BTNL9: variants seen among roughly 807,000 people sequenced by gnomAD.
BTNL9 encodes the protein butyrophilin like 9, also known as butyrophilin-like protein 9.
In BTNL9, 45 loss-of-function variants were observed where a neutral mutation model predicts 45.8. The ratio of observed to expected loss-of-function variants is 0.98; its 90% CI spans 0.77 to 1.26. The LOEUF is 1.26. BTNL9 is among the 50% of genes most tolerant of loss of function. The pLI is 0.00. For missense variants in BTNL9, 784 were observed against 729.7 expected (o/e 1.07, Z -0.86); for synonymous variants, 346 against 330.8 (o/e 1.05, Z -0.50).
In BTNL9 at chr5:181,047,478, G is replaced by A. The variant is rs575243007; in HGVS notation, c.110-449G>A. On this transcript the variant is annotated intron_variant, in intron 2 of 10. Transcript: ENST00000327705. Reference sequence around the variant, plus strand: ...AGAAAATATCTATTCTCATCATGCAGAAATTATCACCATCAGCAATTTGAT... The same window carrying A: ...AGAAAATATCTATTCTCATCATGCAAAAATTATCACCATCAGCAATTTGAT... The A allele has an allele frequency of 9.3e-5, 92 of 990,916 alleles. No individual in the cohort carries two copies. In the Middle Eastern group the frequency reaches 1.6e-3, roughly 17 times the overall value. The allele number at this position is 990,916 out of a possible 1,614,324, so 61.4% of individuals were successfully genotyped here. A position where few individuals can be genotyped will look rare whatever the true frequency, so the allele number is the denominator to read the frequency against.
Position 181,045,614 on chromosome 5 carries a change from C to T in BTNL9, c.109+16C>T. The T allele has an allele frequency of 3.1e-6, 5 of 1,594,026 alleles. No homozygotes were observed. In the South Asian group the frequency reaches 3.3e-5, roughly 11 times the overall value. On this transcript the variant is annotated intron_variant, in intron 2 of 10. Coordinates refer to ENST00000327705, the MANE Select transcript of BTNL9 (RefSeq NM_152547.5). ...CCGAGCTCAGGTATTGTGTCTGCAGCCTAGCTGGCCAGGATGTGAACGCCA... is the reference window on the plus strand; with the variant it reads ...CCGAGCTCAGGTATTGTGTCTGCAGTCTAGCTGGCCAGGATGTGAACGCCA...
chr5:181,046,695 G>A (rs746189400), intron 2 of BTNL9, among the ~76,000 whole-genome samples: 22 of 148,206 alleles, frequency 1.5e-4, no homozygotes, highest in Non-Finnish European at 2.9e-4. Context: ...GAGAGAGAGA[G>A]AGCGAGAGAG....
At chr5:181,045,139 C>T (rs570287732) in intron 1 of BTNL9, among the ~76,000 whole-genome samples, 5 of 152,288 alleles carry the variant, frequency 3.3e-5, no homozygotes, top group Admixed American at 6.5e-5. Flanking sequence ...AAAGGGGGGG[C>T]GCTGAGCCCC....
rs77420075 is a variant in BTNL9, at chr5:181,056,441, C to T, written c.955+426C>T. ...GTTCATGTAAGTGACATTTATGGTT[C>T]TGTGATGTTCCTTGCTTTTCCCGTA... On this transcript the variant is annotated intron_variant, in intron 9 of 10. Transcript: ENST00000327705. The T allele has an allele frequency of 7.4e-3, 4,951 of 670,172 alleles. 192 individuals carry two copies. Among genetic ancestry groups the T allele is most frequent in the Admixed American group, 0.063 (2,831 of 45,282 alleles). The allele number at this position is 670,172 out of a possible 1,614,324, so 41.5% of individuals were successfully genotyped here.
chr5:181,054,809 G>C (rs1323515767), intron 7 of BTNL9: 1 of 985,256 alleles, frequency 1.0e-6, no homozygotes. Flanking sequence ...AGTCTACCTC[G>C]CCCTTCAAGG....
chr5:181,051,034 C>A lies in BTNL9; in HGVS notation c.736+665C>A, dbSNP rs142050038. Among the ~76,000 whole-genome samples, 608 of 148,002 alleles carry A rather than the reference C, an allele frequency of 4.1e-3. 1 individual carries two copies. The highest frequency in any genetic ancestry group is 0.015 in the African/African-American group (583 of 39,944). On this transcript the variant is annotated intron_variant, in intron 4 of 10. Coordinates refer to ENST00000327705, the MANE Select transcript of BTNL9 (RefSeq NM_152547.5). ...CCGGGGGGCAGAGGTTGCAGTGAGC[C>A]GAGATCTGCACTCCAGCCTGGGCAA...
Position 181,055,535 on chromosome 5 carries a change from C to T in BTNL9, c.928+82C>T, listed in dbSNP as rs145460487. 66 of 1,516,076 alleles carry T rather than the reference C, an allele frequency of 4.4e-5. No homozygotes were observed. Among genetic ancestry groups the T allele is most frequent in the Admixed American group, 2.5e-4 (15 of 59,836 alleles). The allele number at this position is 1,516,076 out of a possible 1,614,324, so 93.9% of individuals were successfully genotyped here. On this transcript the variant is annotated intron_variant, in intron 8 of 10. Coordinates refer to ENST00000327705, the MANE Select transcript of BTNL9 (RefSeq NM_152547.5). This position sits in a 1 kb window ranked among gnomAD's most constrained non-coding sequence, Gnocchi z 4.4. Reference sequence around the variant, plus strand: ...CTGTAATCCCAGTACTTTGGGAGGCCGAGGCGGGTGGATCACGAGGTCAGG... The same window carrying T: ...CTGTAATCCCAGTACTTTGGGAGGCTGAGGCGGGTGGATCACGAGGTCAGG...
Position 181,059,772 on chromosome 5 carries a change from G to A in BTNL9, c.1518G>A (p.Pro506=), listed in dbSNP as rs376115758. ...HPDPLTICPL[P]VRGTGVPEEN... ...ATCCCCTGACCATCTGCCCGCTGCC[G>A]GTTAGAGGGACGGGCGTCCCCGAAG... The change falls in exon 11 of 11, where the codon CCG becomes CCA. Residue 506 remains proline (P), a synonymous_variant. Coordinates refer to ENST00000327705, the MANE Select transcript of BTNL9 (RefSeq NM_152547.5). The A allele has an allele frequency of 2.5e-5, 41 of 1,610,622 alleles. No homozygotes were observed. The highest frequency in any genetic ancestry group is 1.1e-5 in the South Asian group (1 of 90,956).
chr5:181,048,613 C>T (rs1274423385), intron 3 of BTNL9, among the ~76,000 whole-genome samples: 1 of 150,976 alleles, frequency 6.6e-6, no homozygotes, highest in African/African-American at 2.4e-5. Context: ...TGGTGCGTGC[C>T]TGTAGTCCCA....
In BTNL9 at chr5:181,059,489, G is replaced by A; in HGVS notation, c.1235G>A (p.Arg412His). The change falls in exon 11 of 11, where the codon CGC becomes CAC. Residue 412 changes from arginine to histidine, a missense_variant. Coordinates refer to ENST00000327705, the MANE Select transcript of BTNL9 (RefSeq NM_152547.5). ...GCGGTGCCGCGCGCGGGGCCTGCGC[G>A]CCTGAGCCCTGCGGCCGGCTACTGG... The part of the protein sequence containing the change: ...LAAVPRAGPA[R>H]LSPAAGYWVL... The A allele has an allele frequency of 1.3e-6, 2 of 1,539,462 alleles. No individual in the cohort carries two copies. Among genetic ancestry groups the A allele is most frequent in the Non-Finnish European group, 1.7e-6 (2 of 1,146,756 alleles).
Position 181,059,895 on chromosome 5 carries a change from G to GA in BTNL9, c.*33_*34insA. 4.0e-6 allele frequency: 6 copies of GA among 1,492,286 alleles called. No homozygotes were observed. The highest frequency in any genetic ancestry group is 5.3e-6 in the Non-Finnish European group (6 of 1,122,110). 92.4% of individuals were successfully genotyped at this position (1,492,286 alleles called of 1,614,324 possible). ...TCGTGGCCGCGGGACTGGCCCCGGG[G>GA]GGCCCCCTGGATCCCAGGCCAGCGC... On this transcript the variant is annotated 3_prime_UTR_variant, in exon 11 of 11. Transcript: ENST00000327705.
intron 2 of BTNL9, among the ~76,000 whole-genome samples, chr5:181,046,904 A>G (rs981826833): frequency 6.6e-6 from 1 of 152,196 alleles, no homozygotes; most frequent in African/African-American, 2.4e-5. Flanking sequence ...AAACAGTCAG[A>G]CATCGGTGTG....
At position 181,053,019 on chromosome 5, in the gene BTNL9, G is replaced by GCGCGCCCCCGCCCCCTCCGC. The variant is rs1448841534; in HGVS notation, c.737-176_737-175insCCCCGCCCCCTCCGCCGCGC. 7.0e-6 allele frequency: 1 copy of GCGCGCCCCCGCCCCCTCCGC among 142,298 alleles called. No individual in the cohort carries two copies. Among genetic ancestry groups the GCGCGCCCCCGCCCCCTCCGC allele is most frequent in the Non-Finnish European group, 1.3e-5 (1 of 75,054 alleles). 8.8% of individuals were successfully genotyped at this position (142,298 alleles called of 1,614,324 possible). The stretch of plus-strand genomic sequence containing the variant: ...GCGGCGCGCCCCCGCCCCCTCCGCC[G>GCGCGCCCCCGCCCCCTCCGC]CGCGCGCCCCCGCCCCCTCCGCCGC... On this transcript the variant is annotated intron_variant, in intron 4 of 10. Transcript: ENST00000327705. The surrounding 1 kb of genome is among the most constrained non-coding windows in gnomAD (Gnocchi z 6.5).
At chr5:181,043,793 T>G (rs964782530) in intron 1 of BTNL9, among the ~76,000 whole-genome samples, 1 of 152,166 alleles carries the variant, frequency 6.6e-6, no homozygotes, top group Admixed American at 6.5e-5. Context: ...GTAGACCCCT[T>G]TGCTGGAACC....
In BTNL9 at chr5:181,053,490, A is replaced by G; in HGVS notation, c.875A>G (p.Glu292Gly). The G allele has an allele frequency of 6.3e-7, 1 of 1,578,620 alleles. No individual in the cohort carries two copies. Among genetic ancestry groups the G allele is most frequent in the Non-Finnish European group, 8.6e-7 (1 of 1,162,450 alleles). Residue 292 changes from glutamate (E) to glycine (G), a missense_variant, in exon 6 of 11, where the codon GAG (glutamate) becomes GGG (glycine). Glu to Gly is a moderately conservative substitution (Grantham distance 98). Transcript: ENST00000327705. This position sits in a 1 kb window ranked among gnomAD's most constrained non-coding sequence, Gnocchi z 6.5. ...RSREKLRKQAEKRQEKLTAEL... is the reference protein window; with the variant it reads ...RSREKLRKQAGKRQEKLTAEL... The stretch of plus-strand genomic sequence containing the variant: ...TCAGAAAAGCTGAGGAAGCAGGCGG[A>G]GAAGAGACAAGGTGAGCGGGGACAG...
rs1582117152 is a variant in BTNL9, at chr5:181,045,420, C to T, written c.-23-47C>T. 5 of 793,822 alleles carry T rather than the reference C, an allele frequency of 6.3e-6. No homozygotes were observed. In the South Asian group the frequency reaches 7.3e-5, roughly 12 times the overall value. 49.2% of individuals were successfully genotyped at this position (793,822 alleles called of 1,614,324 possible). A position where few individuals can be genotyped will look rare whatever the true frequency, so the allele number is the denominator to read the frequency against. On this transcript the variant is annotated intron_variant, in intron 1 of 10. Transcript: ENST00000327705. ...AGGTCTGATGGAGTGAGTTCCAGCTCCCCCTACCTTTGCACGTCGCTCCAG... is the reference window on the plus strand; with the variant it reads ...AGGTCTGATGGAGTGAGTTCCAGCTTCCCCTACCTTTGCACGTCGCTCCAG...
At chr5:181,044,148 C>G (rs1255013102) in intron 1 of BTNL9, among the ~76,000 whole-genome samples, 5 of 152,180 alleles carry the variant, frequency 3.3e-5, no homozygotes, top group African/African-American at 1.2e-4. Context: ...TGCCTCCTAG[C>G]CTAAGGGTCC....
At position 181,050,373 on chromosome 5, in the gene BTNL9, A is replaced by G; in HGVS notation, c.736+4A>G. On this transcript the variant is annotated splice_donor_region_variant and intron_variant, in intron 4 of 10. Coordinates refer to ENST00000327705, the MANE Select transcript of BTNL9 (RefSeq NM_152547.5). The surrounding 1 kb of genome is among the most constrained non-coding windows in gnomAD (Gnocchi z 4.9). ...GAGTTGGTGGTCCAGATAGCAGGTC[A>G]GTGGCTGTTAGCTCACACCCATCTT... The G allele has an allele frequency of 6.2e-7, 1 of 1,613,520 alleles. No homozygotes were observed. The highest frequency in any genetic ancestry group is 8.5e-7 in the Non-Finnish European group (1 of 1,179,736).
intron 1 of BTNL9, among the ~76,000 whole-genome samples, chr5:181,044,454 C>G (rs1760979305): frequency 1.3e-5 from 2 of 152,152 alleles, no homozygotes; most frequent in Admixed American, 6.5e-5. Flanking sequence ...GGTGCAGTCC[C>G]AGGACGAAGA....
Sources: allele counts gnomAD v4.1 joint callset (sites outside exome capture counted in the v4.1 genomes callset), GRCh38; gene constraint gnomAD v4.1.1; non-coding constraint Gnocchi (gnomAD v3.1); transcripts MANE v1.5; gene names NCBI Gene and HGNC (gene_info 2026-07-23, HGNC 2026-07-21).